Variants in SYT6 observed in about 807,000 individuals in gnomAD.
SYT6 encodes the protein synaptotagmin 6.
Under a neutral mutation model 38.4 loss-of-function variants are expected in SYT6, and 24 were observed. The observed-to-expected ratio is 0.62, with a 90% confidence interval of 0.45 to 0.88. The LOEUF (loss-of-function observed/expected upper bound fraction) is 0.88. Ranked by LOEUF, SYT6 falls within the 40% of genes least tolerant of loss-of-function variation. SYT6 has a pLI of 0.00. For missense variants in SYT6, 611 were observed against 621.0 expected (o/e 0.98, Z 0.17); for synonymous variants, 265 against 241.9 (o/e 1.10, Z -0.89).
chr1:114,095,845 A>G (rs980445362), intron 6 of SYT6, among the ~76,000 whole-genome samples: 4 of 152,092 alleles, frequency 2.6e-5, no homozygotes, highest in African/African-American at 9.7e-5. Context: ...TATTTTTAGT[A>G]GAGACGGGGT....
At chr1:114,148,409 AC>A in intron 1 of SYT6, among the ~76,000 whole-genome samples, 1 of 152,178 alleles carries the variant, frequency 6.6e-6, no homozygotes, top group Non-Finnish European at 1.5e-5. Context: ...TTCCCTACTC[AC>A]CCCAAAGCCA....
intron 1 of SYT6, among the ~76,000 whole-genome samples, chr1:114,149,222 T>TGTGTGTGTGTGTGTGTGTGTGCGTGC (rs769842650): frequency 8.5e-6 from 1 of 118,122 alleles, no homozygotes. Flanking sequence ...AGAGATTGTG[T>TGTGTGTGTGTGTGTGTGTGTGCGTGC]GTGTGTGTGT....
chr1:114,152,179 T>C (rs992624531), intron 1 of SYT6: 3 of 151,808 alleles, frequency 2.0e-5, no homozygotes, highest in Non-Finnish European at 4.4e-5. Flanking sequence ...AACAGGACCC[T>C]GGGACCTGCA....
At chr1:114,131,323 C>G (rs1302090999) in intron 3 of SYT6, among the ~76,000 whole-genome samples, 1 of 152,208 alleles carries the variant, frequency 6.6e-6, no homozygotes, top group African/African-American at 2.4e-5. Flanking sequence ...CCAAAGAGAA[C>G]AGAGGAACAT....
chr1:114,140,266 C>T (rs1168158838), intron 1 of SYT6, among the ~76,000 whole-genome samples: 1 of 151,712 alleles, frequency 6.6e-6, no homozygotes, highest in Non-Finnish European at 1.5e-5. Flanking sequence ...GTCCTCTCTA[C>T]TGGCTATTGG....
chr1:114,112,988 T>C (rs1676777355), intron 3 of SYT6, among the ~76,000 whole-genome samples: 1 of 152,198 alleles, frequency 6.6e-6, no homozygotes, highest in East Asian at 1.9e-4. Flanking sequence ...TGAGGAATGT[T>C]TCTTGCAAAC....
At chr1:114,109,757 G>C (rs1449669138) in intron 3 of SYT6, among the ~76,000 whole-genome samples, 1 of 152,152 alleles carries the variant, frequency 6.6e-6, no homozygotes, top group Non-Finnish European at 1.5e-5. Flanking sequence ...ATAGAGGTGT[G>C]GACAAGACGT....
At chr1:114,150,989 T>A (rs977215259) in intron 1 of SYT6, among the ~76,000 whole-genome samples, 2 of 152,090 alleles carry the variant, frequency 1.3e-5, no homozygotes, top group Non-Finnish European at 2.9e-5. Flanking sequence ...CAGGAAGAAG[T>A]CAAGGGAAAA....
At chr1:114,139,426 A>T (rs1469224753) in intron 2 of SYT6, among the ~76,000 whole-genome samples, 189 bp downstream of exon 2, 12 of 152,146 alleles carry the variant, frequency 7.9e-5, no homozygotes, top group Admixed American at 7.9e-4. Context: ...TTTCCCTTTC[A>T]TGAAGTCTTT....
chr1:114,121,984 G>A (rs1677427527), intron 3 of SYT6, among the ~76,000 whole-genome samples: 1 of 152,192 alleles, frequency 6.6e-6, no homozygotes, highest in South Asian at 2.1e-4. Flanking sequence ...TGGTTTGACA[G>A]GCCACACAGT....
intron 3 of SYT6, among the ~76,000 whole-genome samples, chr1:114,115,083 C>G (rs143317101): frequency 6.4e-4 from 97 of 152,294 alleles, no homozygotes; most frequent in African/African-American, 2.3e-3. Context: ...GTAAATATTC[C>G]TTATTGCCAT....
chr1:114,113,451 T>C (rs1011410524), intron 3 of SYT6, among the ~76,000 whole-genome samples: 2 of 152,170 alleles, frequency 1.3e-5, no homozygotes. Flanking sequence ...TCCAGACTCA[T>C]ATATCCAAAA....
Position 114,095,692 on chromosome 1 carries a change from G to C in SYT6, c.1516-1889C>G, listed in dbSNP as rs1236319698. The stretch of plus-strand genomic sequence containing the variant: ...TTTTTTTTTTTTGAGATGGAGTCTC[G>C]CTCTGTTGTCCAGGCTGGAGTGCAG... On this transcript the variant is annotated intron_variant, in intron 6 of 7. Coordinates refer to ENST00000610222, the MANE Select transcript of SYT6 (RefSeq NM_001253772.2). Among the ~76,000 whole-genome samples, 3 of 149,980 alleles carry C rather than the reference G, an allele frequency of 2.0e-5. No individual in the cohort carries two copies. The South Asian group carries it at 6.3e-4, about 32-fold the overall frequency.
chr1:114,132,874 G>A (rs1246787453), intron 3 of SYT6, among the ~76,000 whole-genome samples: 1 of 152,174 alleles, frequency 6.6e-6, no homozygotes, highest in Non-Finnish European at 1.5e-5. Context: ...CCATCTTGCT[G>A]ATGTCAAACC....
intron 3 of SYT6, among the ~76,000 whole-genome samples, chr1:114,129,569 T>C (rs1249836243): frequency 3.2e-5 from 2 of 61,786 alleles, no homozygotes; most frequent in African/African-American, 1.2e-4. Flanking sequence ...CTTTCTTTTC[T>C]TTCTTTCTTT....
Position 114,091,901 on chromosome 1 carries a change from G to A in SYT6, c.*233C>T, listed in dbSNP as rs1046132516. On this transcript the variant is annotated 3_prime_UTR_variant, in exon 8 of 8. Coordinates refer to ENST00000610222, the MANE Select transcript of SYT6 (RefSeq NM_001253772.2). Reference sequence around the variant, plus strand: ...GGAGCAGGTAAGACTCTGGAGTGACGGACGGCTGCCGCTGCTGCCGCCACT... The same window carrying A: ...GGAGCAGGTAAGACTCTGGAGTGACAGACGGCTGCCGCTGCTGCCGCCACT... 2.6e-5 allele frequency: 28 copies of A among 1,097,080 alleles called. No homozygotes were observed. Among genetic ancestry groups the A allele is most frequent in the African/African-American group, 7.8e-5 (5 of 64,496 alleles). 68.0% of individuals were successfully genotyped at this position (1,097,080 alleles called of 1,614,324 possible). A position where few individuals can be genotyped will look rare whatever the true frequency, so the allele number is the denominator to read the frequency against.
chr1:114,125,208 G>A (rs770704045), intron 3 of SYT6, among the ~76,000 whole-genome samples: 15 of 152,200 alleles, frequency 9.9e-5, no homozygotes, highest in Non-Finnish European at 1.9e-4. Context: ...AAATCCAGAC[G>A]ATCAGCAGGG....
rs979122995 is a variant in SYT6, at chr1:114,105,313, C to CA, written c.1072-1593_1072-1592insT. Among the ~76,000 whole-genome samples, 20 of 150,660 alleles carry CA rather than the reference C, an allele frequency of 1.3e-4. No individual in the cohort carries two copies. In the East Asian group the frequency reaches 2.2e-3, roughly 17 times the overall value. ...GGAGACTCCTACAGCCCTGTTCCCC[C>CA]CCTGGAGAATAAGCCAAGGCCCTGT... is the stretch of plus-strand genomic sequence containing the variant. On this transcript the variant is annotated intron_variant, in intron 3 of 7. Transcript: ENST00000610222.
Position 114,138,049 on chromosome 1 carries a change from T to A in SYT6, c.517A>T (p.Thr173Ser). The A allele has an allele frequency of 6.2e-7, 1 of 1,613,000 alleles. No individual in the cohort carries two copies. Among genetic ancestry groups the A allele is most frequent in the East Asian group, 2.2e-5 (1 of 44,814 alleles). The change falls in exon 3 of 8, where the codon ACG (threonine) becomes TCG (serine). Residue 173 changes from threonine to serine, a missense_variant. Coordinates refer to ENST00000610222, the MANE Select transcript of SYT6 (RefSeq NM_001253772.2). The part of the protein sequence containing the change: ...TTEPASSTRH[T>S]SFKRHLPRQM... ...CTTGGCAGGTGGCGCTTGAAGGACG[T>A]GTGCCTGGTAGAGGGCAGGAGGGGG...
Sources: gnomAD v4.1 joint callset for allele counts (sites outside exome capture counted in the v4.1 genomes callset) on GRCh38, gnomAD v4.1.1 for gene constraint, MANE v1.5 for transcripts, NCBI Gene and HGNC (gene_info 2026-07-23, HGNC 2026-07-21) for gene names.